Variants in ZBTB7C observed in about 807,000 individuals in gnomAD.
ZBTB7C encodes the protein zinc finger and BTB domain containing 7C, also known as zinc finger and BTB domain-containing protein 7C.
ZBTB7C carries 8 observed loss-of-function variants against 25.7 expected under a neutral mutation model. That is an observed-to-expected ratio of 0.31 (90% CI 0.18 to 0.56). The LOEUF (loss-of-function observed/expected upper bound fraction) is 0.56, where lower values mean the gene tolerates loss of function less well. Ranked by LOEUF, ZBTB7C falls within the 20% of genes least tolerant of loss-of-function variation. The probability of loss-of-function intolerance (pLI) is 0.91; values close to 1 mark genes in which losing one functional copy is unlikely to be tolerated. For missense variants in ZBTB7C, 824 were observed against 855.2 expected, an observed-to-expected ratio of 0.96 and a Z score of 0.46; for synonymous variants, 394 against 369.0, an observed-to-expected ratio of 1.07 and a Z score of -0.78.
intron 2 of ZBTB7C, among the ~76,000 whole-genome samples, chr18:48,256,116 C>G (rs1281507044): frequency 2.0e-5 from 3 of 151,924 alleles, no homozygotes; most frequent in Non-Finnish European, 4.4e-5. Context: ...CAAAAAATTA[C>G]TAAACTTTAT....
chr18:48,155,369 C>T (rs1374246331), intron 3 of ZBTB7C, among the ~76,000 whole-genome samples: 2 of 138,314 alleles, frequency 1.4e-5, no homozygotes, highest in East Asian at 4.3e-4. Flanking sequence ...ACTCTATCGC[C>T]CAGGCTGGAG....
At chr18:48,318,787 C>T (rs1399706646) in intron 2 of ZBTB7C, among the ~76,000 whole-genome samples, 1 of 152,180 alleles carries the variant, frequency 6.6e-6, no homozygotes, top group Non-Finnish European at 1.5e-5. Flanking sequence ...GAAGGGCACT[C>T]CTGAGTGAGG....
chr18:48,189,497 C>T (rs2042142194), intron 2 of ZBTB7C, among the ~76,000 whole-genome samples: 1 of 152,116 alleles, frequency 6.6e-6, no homozygotes, highest in Non-Finnish European at 1.5e-5. Context: ...CTCTGTCTTC[C>T]CATCTGCAAA....
chr18:48,055,410 C>CAAAAAAAAA (rs57782791), intron 3 of ZBTB7C, among the ~76,000 whole-genome samples: 1 of 72,782 alleles, frequency 1.4e-5, no homozygotes, highest in African/African-American at 5.3e-5. Flanking sequence ...ACTCAAGTCT[C>CAAAAAAAAA]AAAAAAAAAA....
rs78212944 is a variant in ZBTB7C, at chr18:48,117,504, T to C, written c.-17+68430A>G. Among the ~76,000 whole-genome samples, 1,358 of 152,310 alleles carry C rather than the reference T, an allele frequency of 8.9e-3. 22 individuals are homozygous for C. Among genetic ancestry groups the C allele is most frequent in the African/African-American group, 0.031 (1,283 of 41,554 alleles). ...TACTAGCTCAGCTACTTTCCTGCTA[T>C]GTGACCTTAGGCAGGTTACTTGACC... is the stretch of plus-strand genomic sequence containing the variant. On this transcript the variant is annotated intron_variant, in intron 3 of 4. Transcript: ENST00000590800.
intron 3 of ZBTB7C, chr18:48,041,642 T>A (rs1407803808): frequency 1.4e-6 from 1 of 694,070 alleles, no homozygotes; most frequent in Non-Finnish European, 1.8e-6. Context: ...TCGTGGCCCA[T>A]TTTCAGCAAG....
intron 3 of ZBTB7C, among the ~76,000 whole-genome samples, chr18:48,136,078 G>A (rs1259491924): frequency 1.3e-5 from 2 of 151,872 alleles, no homozygotes; most frequent in South Asian, 2.1e-4. Context: ...CGCGCGGGGT[G>A]GGCGGCGGGC....
chr18:48,137,395 C>A, intron 3 of ZBTB7C: 1 of 953,592 alleles, frequency 1.0e-6, no homozygotes, highest in Non-Finnish European at 1.2e-6. Context: ...CGGGTTCCTC[C>A]GTTTTGTTTT....
chr18:48,173,053 C>G (rs2041544988), intron 3 of ZBTB7C, among the ~76,000 whole-genome samples: 1 of 152,184 alleles, frequency 6.6e-6, no homozygotes, highest in Admixed American at 6.5e-5. Context: ...TCCGACTTTC[C>G]TCTAGTTCTT....
intron 3 of ZBTB7C, among the ~76,000 whole-genome samples, chr18:48,043,736 G>A (rs918828347): frequency 3.9e-5 from 6 of 152,300 alleles, no homozygotes; most frequent in South Asian, 2.1e-4. Flanking sequence ...GAGAAAATGC[G>A]TAAAGGGTAC....
At chr18:48,181,390 A>G (rs2041918572) in intron 3 of ZBTB7C, among the ~76,000 whole-genome samples, 1 of 152,210 alleles carries the variant, frequency 6.6e-6, no homozygotes, top group Non-Finnish European at 1.5e-5. Context: ...GGGCTGTAGC[A>G]GAGCCTCCCC....
intron 3 of ZBTB7C, among the ~76,000 whole-genome samples, chr18:48,181,585 C>A (rs1419211983): frequency 1.3e-5 from 2 of 152,198 alleles, no homozygotes; most frequent in Non-Finnish European, 2.9e-5. Context: ...AACCCAGACC[C>A]CCTGCCTCCC....
At chr18:48,196,533 A>G (rs1198923371) in intron 2 of ZBTB7C, among the ~76,000 whole-genome samples, 1 of 151,156 alleles carries the variant, frequency 6.6e-6, no homozygotes, top group Non-Finnish European at 1.5e-5. Flanking sequence ...CAATCAAACC[A>G]CCCTCCTGAG....
At chr18:48,032,424 T>TTTTTG (rs1206779572) in intron 4 of ZBTB7C, among the ~76,000 whole-genome samples, 12 of 43,124 alleles carry the variant, frequency 2.8e-4, no homozygotes, top group African/African-American at 1.6e-3. Flanking sequence ...CAAGGTAGGT[T>TTTTTG]TTTTTTTTTT....
chr18:48,411,457 G>T (rs902073255), upstream of ZBTB7C, among the ~76,000 whole-genome samples: 3 of 152,180 alleles, frequency 2.0e-5, no homozygotes, highest in Non-Finnish European at 4.4e-5. Context: ...TCTCATATTA[G>T]GTTTGTCTCT....
chr18:48,256,913 C>T (rs1017859994), intron 2 of ZBTB7C, among the ~76,000 whole-genome samples: 4 of 151,768 alleles, frequency 2.6e-5, no homozygotes, highest in African/African-American at 9.7e-5. Context: ...CAAAAATATT[C>T]AGTCCAAAGG....
intron 2 of ZBTB7C, among the ~76,000 whole-genome samples, chr18:48,295,881 C>T (rs2045373819): frequency 6.6e-6 from 1 of 152,168 alleles, no homozygotes; most frequent in African/African-American, 2.4e-5. Context: ...GTGGGGGACC[C>T]ATCCCAAAGA....
intron 4 of ZBTB7C, among the ~76,000 whole-genome samples, chr18:48,032,860 TC>T (rs1338791159): frequency 6.6e-6 from 1 of 152,184 alleles, no homozygotes; most frequent in East Asian, 1.9e-4. Context: ...CATTAGTGTA[TC>T]TAAAAGAAGT....
At chr18:48,105,698 G>A (rs1381039041) in intron 3 of ZBTB7C, among the ~76,000 whole-genome samples, 1 of 152,190 alleles carries the variant, frequency 6.6e-6, no homozygotes, top group Admixed American at 6.5e-5. Context: ...CAAAAAAAAG[G>A]TAGATGGGTG....
Sources: allele counts gnomAD v4.1 joint callset (sites outside exome capture counted in the v4.1 genomes callset), GRCh38; gene constraint gnomAD v4.1.1; transcripts MANE v1.5; gene names NCBI Gene and HGNC (gene_info 2026-07-23, HGNC 2026-07-21).